PIP4K2A: variants seen among roughly 807,000 people sequenced by gnomAD.
PIP4K2A encodes phosphatidylinositol 5-phosphate 4-kinase type-2 alpha.
Under a neutral mutation model 42.9 loss-of-function variants are expected in PIP4K2A, and 14 were observed. That is an observed-to-expected ratio of 0.33 (90% confidence interval 0.22 to 0.51). The LOEUF (loss-of-function observed/expected upper bound fraction) is 0.51, where lower values mean the gene tolerates loss of function less well. Among genes scored for constraint, PIP4K2A ranks in the 20% least tolerant of loss-of-function variants. PIP4K2A has a pLI of 0.97. For missense variants in PIP4K2A, 434 were observed against 519.8 expected (o/e 0.83, Z 1.61); for synonymous variants, 192 against 192.2 (o/e 1.00, Z 0.01).
At chr10:22,611,488 C>T (rs780377623) in intron 1 of PIP4K2A, among the ~76,000 whole-genome samples, 3 of 150,474 alleles carry the variant, frequency 2.0e-5, no homozygotes, top group African/African-American at 4.9e-5. Context: ...TACCTAGATA[C>T]GCTGTAGTTA....
At chr10:22,544,789 C>G (rs1360972938) in intron 7 of PIP4K2A, among the ~76,000 whole-genome samples, 1 of 152,178 alleles carries the variant, frequency 6.6e-6, no homozygotes, top group Non-Finnish European at 1.5e-5. Flanking sequence ...GAGCTTGGCC[C>G]CATCCACTTC....
intron 1 of PIP4K2A, among the ~76,000 whole-genome samples, chr10:22,664,224 T>TACAC (rs1554807340): frequency 3.8e-5 from 2 of 52,746 alleles, no homozygotes; most frequent in African/African-American, 1.6e-4. Flanking sequence ...TATACATATA[T>TACAC]ATATACACAC....
At chr10:22,656,701 G>A (rs1178241122) in intron 1 of PIP4K2A, among the ~76,000 whole-genome samples, 1 of 151,766 alleles carries the variant, frequency 6.6e-6, no homozygotes, top group Non-Finnish European at 1.5e-5. Context: ...GGAGGCTGAG[G>A]CAGAAGAATA....
intron 7 of PIP4K2A, among the ~76,000 whole-genome samples, chr10:22,548,141 C>T (rs1246632591): frequency 7.9e-5 from 12 of 152,234 alleles, no homozygotes; most frequent in Non-Finnish European, 1.8e-4. Context: ...TGTCAAGCTA[C>T]TTCACCATAA....
intron 7 of PIP4K2A, among the ~76,000 whole-genome samples, chr10:22,544,744 C>A (rs897798324): frequency 6.6e-6 from 1 of 152,218 alleles, no homozygotes; most frequent in Non-Finnish European, 1.5e-5. Flanking sequence ...TCTCACAGGG[C>A]ACAAACAAAA....
At chr10:22,667,944 GAC>G in intron 1 of PIP4K2A, among the ~76,000 whole-genome samples, 3 of 150,302 alleles carry the variant, frequency 2.0e-5, no homozygotes, top group Non-Finnish European at 4.5e-5. Flanking sequence ...GAGACAGAGA[GAC>G]AGAGAGAGAG....
chr10:22,564,377 A>T (rs529883617), intron 6 of PIP4K2A, among the ~76,000 whole-genome samples: 1 of 152,328 alleles, frequency 6.6e-6, no homozygotes, highest in Non-Finnish European at 1.5e-5. Context: ...AAATGAATGA[A>T]GGAAAAAAAT....
chr10:22,595,928 G>A (rs1032653772), intron 3 of PIP4K2A, among the ~76,000 whole-genome samples: 2 of 152,004 alleles, frequency 1.3e-5, no homozygotes, highest in African/African-American at 4.8e-5. Context: ...TTACTCAGCC[G>A]GGCGCAGTGG....
intron 1 of PIP4K2A, among the ~76,000 whole-genome samples, chr10:22,648,876 T>C (rs1838936880): frequency 6.6e-6 from 1 of 152,232 alleles, no homozygotes; most frequent in South Asian, 2.1e-4. Context: ...AATTCAGAGA[T>C]ACTTGTGATC....
intron 1 of PIP4K2A, among the ~76,000 whole-genome samples, chr10:22,682,862 A>G (rs914649897): frequency 2.0e-5 from 3 of 152,302 alleles, no homozygotes; most frequent in Admixed American, 2.0e-4. Flanking sequence ...CTGAAGAGAC[A>G]CAGATGGTCC....
chr10:22,700,493 G>A (rs1360344961), intron 1 of PIP4K2A, among the ~76,000 whole-genome samples: 6 of 152,164 alleles, frequency 3.9e-5, no homozygotes, highest in Admixed American at 2.0e-4. Context: ...TGCATGACCC[G>A]AGAAAAGCAA....
chr10:22,623,269 G>A (rs1036347778), intron 1 of PIP4K2A, among the ~76,000 whole-genome samples: 2 of 151,988 alleles, frequency 1.3e-5, no homozygotes, highest in African/African-American at 2.4e-5. Flanking sequence ...TGGGGTCGGG[G>A]GTGAAGCTCA....
chr10:22,588,678 C>G lies in PIP4K2A; in HGVS notation c.492+2951G>C, dbSNP rs143811487. Among the ~76,000 whole-genome samples the G allele has an allele frequency of 6.8e-3, 1,035 of 152,262 alleles. 15 individuals are homozygous for G. Among genetic ancestry groups the G allele is most frequent in the African/African-American group, 0.024 (989 of 41,542 alleles). ...GAAATGCAGGTGCAGAAGCTGAGTT[C>G]AGAGATCATCCAAGAGGCAGTTCCT... On this transcript the variant is annotated intron_variant, in intron 4 of 9. Coordinates refer to ENST00000376573, the MANE Select transcript of PIP4K2A (RefSeq NM_005028.5).
chr10:22,541,017 G>A (rs969579713), intron 8 of PIP4K2A, among the ~76,000 whole-genome samples: 9 of 152,156 alleles, frequency 5.9e-5, no homozygotes, highest in Non-Finnish European at 8.8e-5. Context: ...AACAACTGAT[G>A]AGCCACAGTT....
intron 7 of PIP4K2A, among the ~76,000 whole-genome samples, chr10:22,547,582 T>G (rs1836288193): frequency 6.6e-6 from 1 of 152,224 alleles, no homozygotes; most frequent in South Asian, 2.1e-4. Flanking sequence ...CCCACCGCCC[T>G]ATCCCCTCTC....
At chr10:22,645,558 A>G (rs1838862111) in intron 1 of PIP4K2A, among the ~76,000 whole-genome samples, 1 of 151,686 alleles carries the variant, frequency 6.6e-6, no homozygotes, top group Non-Finnish European at 1.5e-5. Flanking sequence ...TTAAAAAAAA[A>G]AAAAAAAGAA....
At position 22,536,484 on chromosome 10, in the gene PIP4K2A, G is replaced by C. The variant is rs1276597843; in HGVS notation, c.*717C>G. ...GAGGGGTGGGGGCTCTGGACACCAGGGGGTCCTGACAAGGCTGGGGCCAGA... is the reference window on the plus strand; with the variant it reads ...GAGGGGTGGGGGCTCTGGACACCAGCGGGTCCTGACAAGGCTGGGGCCAGA... On this transcript the variant is annotated 3_prime_UTR_variant, in exon 10 of 10. Coordinates refer to ENST00000376573, the MANE Select transcript of PIP4K2A (RefSeq NM_005028.5). 3 of 184,540 alleles carry C rather than the reference G, an allele frequency of 1.6e-5. No homozygotes were observed. The highest frequency in any genetic ancestry group is 3.3e-5 in the Non-Finnish European group (3 of 90,054). The allele number at this position is 184,540 out of a possible 1,614,324, so 11.4% of individuals were successfully genotyped here.
intron 1 of PIP4K2A, among the ~76,000 whole-genome samples, chr10:22,620,589 T>C (rs530489416): frequency 3.1e-4 from 47 of 152,364 alleles, no homozygotes; most frequent in African/African-American, 1.1e-3. Flanking sequence ...TAATCACCAA[T>C]CTTTTCAGAC....
At chr10:22,626,120 A>C (rs915687735) in intron 1 of PIP4K2A, among the ~76,000 whole-genome samples, 1 of 152,156 alleles carries the variant, frequency 6.6e-6, no homozygotes, top group Admixed American at 6.5e-5. Flanking sequence ...GGGAGGCTGC[A>C]TTCCAGGAGC....
Sources: allele counts gnomAD v4.1 joint callset (sites outside exome capture counted in the v4.1 genomes callset), GRCh38; gene constraint gnomAD v4.1.1; transcripts MANE v1.5; gene names NCBI Gene and HGNC (gene_info 2026-07-23, HGNC 2026-07-21).